The following GALNT13 variants were observed in gnomAD, a reference collection of about 807,000 sequenced individuals.
GALNT13 encodes the protein polypeptide N-acetylgalactosaminyltransferase 13.
In GALNT13, 28 loss-of-function variants were observed where a neutral mutation model predicts 64.2. The ratio of observed to expected loss-of-function variants is 0.44; its 90% CI spans 0.32 to 0.60. The LOEUF (loss-of-function observed/expected upper bound fraction) is 0.60. Ranked by LOEUF, GALNT13 falls within the 20% of genes least tolerant of loss-of-function variation. The pLI is 0.05. For synonymous variants in GALNT13, 214 were observed against 224.6 expected, an observed-to-expected ratio of 0.95 and a Z score of 0.42; for missense variants, 577 against 669.8, an observed-to-expected ratio of 0.86 and a Z score of 1.53.
chr2:154,312,077 G>A (rs895725042), intron 9 of GALNT13, among the ~76,000 whole-genome samples: 1 of 152,110 alleles, frequency 6.6e-6, no homozygotes, highest in African/African-American at 2.4e-5. Flanking sequence ...CGGCTGACAG[G>A]ATTAAGAGAT....
chr2:153,812,864 C>T, the GALNT13 span, among the ~76,000 whole-genome samples: 2 of 152,168 alleles, frequency 1.3e-5, no homozygotes, highest in Non-Finnish European at 2.9e-5. Context: ...TGATATCTCA[C>T]AGGAATGTTG....
intron 3 of GALNT13, among the ~76,000 whole-genome samples, chr2:154,043,771 A>T (rs969217834): frequency 2.0e-5 from 3 of 152,056 alleles, no homozygotes; most frequent in Non-Finnish European, 4.4e-5. Context: ...CATAACAAAC[A>T]TGTGACCTAC....
At chr2:153,210,152 A>C in the GALNT13 span, among the ~76,000 whole-genome samples, 1 of 152,036 alleles carries the variant, frequency 6.6e-6, no homozygotes, top group Admixed American at 6.6e-5. Context: ...CTTCCTCTTA[A>C]GTCTGTATGC....
At chr2:153,402,023 C>T in the GALNT13 span, among the ~76,000 whole-genome samples, 14 of 144,608 alleles carry the variant, frequency 9.7e-5, no homozygotes, top group Non-Finnish European at 1.5e-4. Context: ...TTCCTAGTCT[C>T]GATGGTCTTT....
At chr2:153,644,316 G>A in the GALNT13 span, among the ~76,000 whole-genome samples, 1 of 152,022 alleles carries the variant, frequency 6.6e-6, no homozygotes, top group Non-Finnish European at 1.5e-5. Flanking sequence ...CTGAACAAGA[G>A]AGTTCCTTAA....
chr2:153,102,821 G>A, the GALNT13 span, among the ~76,000 whole-genome samples: 1 of 152,116 alleles, frequency 6.6e-6, no homozygotes, highest in South Asian at 2.1e-4. Context: ...AAGGTGCTAT[G>A]TAACATGAAA....
At chr2:154,008,945 G>A (rs1696441512) in intron 3 of GALNT13, among the ~76,000 whole-genome samples, 1 of 152,116 alleles carries the variant, frequency 6.6e-6, no homozygotes, top group African/African-American at 2.4e-5. Context: ...TATTTTGGGG[G>A]AGTATATACT....
chr2:153,760,774 T>C, the GALNT13 span, among the ~76,000 whole-genome samples: 2 of 152,116 alleles, frequency 1.3e-5, no homozygotes, highest in African/African-American at 4.8e-5. Flanking sequence ...AAAGCTAATG[T>C]TTTCTTATTT....
the GALNT13 span, among the ~76,000 whole-genome samples, chr2:153,491,193 C>T: frequency 6.6e-6 from 1 of 151,896 alleles, no homozygotes; most frequent in African/African-American, 2.4e-5. Flanking sequence ...TATTCTTTAA[C>T]TCAGCAATAA....
intron 1 of GALNT13, among the ~76,000 whole-genome samples, chr2:153,896,555 T>C (rs899246889): frequency 2.0e-5 from 3 of 152,042 alleles, no homozygotes; most frequent in African/African-American, 7.2e-5. Context: ...TTTTGAATTA[T>C]TTTTTAACCT....
At chr2:153,457,486 C>T in the GALNT13 span, among the ~76,000 whole-genome samples, 1 of 152,056 alleles carries the variant, frequency 6.6e-6, no homozygotes, top group Non-Finnish European at 1.5e-5. Flanking sequence ...ACTTTGCTTC[C>T]ATCTCCTCTT....
chr2:153,409,534 AG>A, the GALNT13 span, among the ~76,000 whole-genome samples: 1 of 151,828 alleles, frequency 6.6e-6, no homozygotes, highest in African/African-American at 2.4e-5. Flanking sequence ...AAACACGAAA[AG>A]TAAAAGAGAA....
intron 8 of GALNT13, among the ~76,000 whole-genome samples, chr2:154,269,906 G>GTGTGTATATATA (rs529424469): frequency 1.0e-5 from 1 of 96,884 alleles, no homozygotes; most frequent in African/African-American, 3.6e-5. Flanking sequence ...ATATATATGT[G>GTGTGTATATATA]TATATATATA....
chr2:153,555,443 C>A, the GALNT13 span, among the ~76,000 whole-genome samples: 1 of 104,780 alleles, frequency 9.5e-6, no homozygotes, highest in African/African-American at 3.8e-5. Flanking sequence ...ATCCGCCCGC[C>A]TCGGCCTCCC....
chr2:153,803,262 T>C, the GALNT13 span, among the ~76,000 whole-genome samples: 1 of 152,218 alleles, frequency 6.6e-6, no homozygotes, highest in Non-Finnish European at 1.5e-5. Flanking sequence ...GACGGAATTG[T>C]GTCCCCCAAA....
the GALNT13 span, among the ~76,000 whole-genome samples, chr2:153,077,140 A>T: frequency 6.6e-6 from 1 of 151,654 alleles, no homozygotes; most frequent in Non-Finnish European, 1.5e-5. Flanking sequence ...TTAGTAGAGA[A>T]GGGGTTTTGC....
chr2:153,696,102 A>G, the GALNT13 span, among the ~76,000 whole-genome samples: 1 of 152,206 alleles, frequency 6.6e-6, no homozygotes, highest in African/African-American at 2.4e-5. Flanking sequence ...CTGAGGAGCA[A>G]GGAAGTCAGT....
chr2:154,125,848 T>A (rs1023460985), intron 3 of GALNT13, among the ~76,000 whole-genome samples: 5 of 152,158 alleles, frequency 3.3e-5, no homozygotes, highest in Non-Finnish European at 7.4e-5. Flanking sequence ...GGACCCCCAC[T>A]CATAGCTTGC....
the GALNT13 span, among the ~76,000 whole-genome samples, chr2:153,609,171 A>AGCTCAAATGATCT: frequency 6.6e-6 from 1 of 151,646 alleles, no homozygotes; most frequent in East Asian, 1.9e-4. Context: ...TGAACTTGTG[A>AGCTCAAATGATCT]GCCTGCCTCA....
Sources: gnomAD v4.1 joint callset for allele counts (sites outside exome capture counted in the v4.1 genomes callset) on GRCh38, gnomAD v4.1.1 for gene constraint, MANE v1.5 for transcripts, NCBI Gene and HGNC (gene_info 2026-07-23, HGNC 2026-07-21) for gene names.